Variants in CMSS1 observed in about 807,000 individuals in gnomAD.
CMSS1 encodes cms1 ribosomal small subunit homolog.
In CMSS1, 33 loss-of-function variants were observed where a neutral mutation model predicts 43.5. The observed-to-expected ratio is 0.76, with a 90% CI of 0.57 to 1.01. CMSS1 has a LOEUF of 1.01. CMSS1 is among the 50% of genes least tolerant of loss of function. The pLI, the probability that CMSS1 is intolerant of heterozygous loss-of-function variation, is 0.00. For missense variants in CMSS1, 313 were observed against 326.4 expected, an observed-to-expected ratio of 0.96 and a Z score of 0.32; for synonymous variants, 115 against 117.2, an observed-to-expected ratio of 0.98 and a Z score of 0.12.
chr3:99,983,510 GTA>G (rs1312874010), intron 1 of CMSS1, among the ~76,000 whole-genome samples: 6 of 82,424 alleles, frequency 7.3e-5, no homozygotes, highest in African/African-American at 2.9e-4. Flanking sequence ...ATATATATAT[GTA>G]TATATATACA....
chr3:99,944,499 C>G (rs1028994420), intron 1 of CMSS1, among the ~76,000 whole-genome samples: 2 of 152,196 alleles, frequency 1.3e-5, no homozygotes, highest in Non-Finnish European at 2.9e-5. Flanking sequence ...TCTGCAGGCA[C>G]AATGCTAAGG....
At position 100,120,756 on chromosome 3, in the gene CMSS1, G is replaced by A. The variant is rs1320844412; in HGVS notation, c.65-26217G>A. Among the ~76,000 whole-genome samples the A allele has an allele frequency of 3.3e-5, 5 of 151,274 alleles. No individual in the cohort carries two copies. The East Asian group carries it at 9.8e-4, about 30-fold the overall frequency. On this transcript the variant is annotated intron_variant, in intron 1 of 9. Coordinates refer to ENST00000421999, the MANE Select transcript of CMSS1 (RefSeq NM_032359.4). The stretch of plus-strand genomic sequence containing the variant: ...TAAGTCTTCCTGAGGTGGAGGTCAG[G>A]GAGGCTTCACGGGGTGGGGGTGGGG...
chr3:99,928,392 A>C (rs887526088), intron 1 of CMSS1, among the ~76,000 whole-genome samples: 1 of 152,204 alleles, frequency 6.6e-6, no homozygotes, highest in African/African-American at 2.4e-5. Flanking sequence ...AAAGAGAGGA[A>C]AATTGGCAGA....
Position 100,178,389 on chromosome 3 carries a change from G to C in CMSS1, c.*1G>C. 2.5e-6 allele frequency: 4 copies of C among 1,598,940 alleles called. No homozygotes were observed. The highest frequency in any genetic ancestry group is 3.4e-6 in the Non-Finnish European group (4 of 1,167,154). On this transcript the variant is annotated 3_prime_UTR_variant, in exon 10 of 10. Coordinates refer to ENST00000421999, the MANE Select transcript of CMSS1 (RefSeq NM_032359.4). ...ATCCTTGAAACTGGGCCTTTTCTAA[G>C]TCTGTGTCCTAATGAAGATTCCAGT...
At chr3:99,849,695 G>A (rs771815841) in intron 1 of CMSS1, 3 of 1,613,426 alleles carry the variant, frequency 1.9e-6, no homozygotes, top group South Asian at 1.1e-5. Flanking sequence ...GCATACCTTC[G>A]TTCTAGAGTC....
intron 1 of CMSS1, among the ~76,000 whole-genome samples, chr3:100,077,295 T>C (rs1005620002): frequency 1.3e-5 from 2 of 152,254 alleles, no homozygotes; most frequent in African/African-American, 4.8e-5. Flanking sequence ...CATGGTGTTC[T>C]TAAGAAGTAG....
At chr3:99,823,773 A>G (rs1315853915) in intron 1 of CMSS1, among the ~76,000 whole-genome samples, 1 of 151,726 alleles carries the variant, frequency 6.6e-6, no homozygotes. Flanking sequence ...GTCTTCTACT[A>G]TTTACTCCCC....
At chr3:99,903,642 C>A (rs1019896419) in intron 1 of CMSS1, among the ~76,000 whole-genome samples, 2 of 152,052 alleles carry the variant, frequency 1.3e-5, no homozygotes, top group Admixed American at 6.5e-5. Flanking sequence ...ATGGATGATT[C>A]CAAAAATTGG....
At chr3:99,966,556 T>C (rs969786088) in intron 1 of CMSS1, among the ~76,000 whole-genome samples, 3 of 152,224 alleles carry the variant, frequency 2.0e-5, no homozygotes, top group Non-Finnish European at 4.4e-5. Context: ...CAATTAACTT[T>C]ATAAACATTC....
chr3:99,973,051 AG>A (rs1290379685), intron 1 of CMSS1, among the ~76,000 whole-genome samples: 1 of 152,234 alleles, frequency 6.6e-6, no homozygotes, highest in Non-Finnish European at 1.5e-5. Flanking sequence ...TCACAAAATT[AG>A]GTGCAGAACT....
At chr3:99,831,265 T>G (rs1237695654) in intron 1 of CMSS1, among the ~76,000 whole-genome samples, 1 of 152,250 alleles carries the variant, frequency 6.6e-6, no homozygotes, top group African/African-American at 2.4e-5. Flanking sequence ...TACTTAGATA[T>G]GTTAAAAGTA....
intron 1 of CMSS1, among the ~76,000 whole-genome samples, chr3:100,074,675 A>T (rs1258999043): frequency 8.1e-4 from 28 of 34,780 alleles, no homozygotes; most frequent in Admixed American, 1.9e-3. Flanking sequence ...GCAACATTTG[A>T]TTTTTTTTTT....
At chr3:99,953,785 G>A (rs1245063488) in intron 1 of CMSS1, among the ~76,000 whole-genome samples, 1 of 152,168 alleles carries the variant, frequency 6.6e-6, no homozygotes, top group East Asian at 1.9e-4. Context: ...TGCCCAAACA[G>A]TCCACATAGG....
rs150390583 is a variant in CMSS1 at position 100,137,708 on chromosome 3, G to A, written c.65-9265G>A. 6.6e-3 allele frequency among the ~76,000 whole-genome samples: 1,009 copies of A among 151,932 alleles called. 8 individuals are homozygous for A. Among genetic ancestry groups the A allele is most frequent in the African/African-American group, 0.022 (904 of 41,442 alleles). On this transcript the variant is annotated intron_variant, in intron 1 of 9. Coordinates refer to ENST00000421999, the MANE Select transcript of CMSS1 (RefSeq NM_032359.4). ...CTCCCAAGTAGCTGGGACTATAGGCGCCCGCCACCATGCCCGGCTAATTCT... is the reference window on the plus strand; with the variant it reads ...CTCCCAAGTAGCTGGGACTATAGGCACCCGCCACCATGCCCGGCTAATTCT...
intron 1 of CMSS1, among the ~76,000 whole-genome samples, chr3:100,135,276 A>G (rs1049213769): frequency 6.6e-6 from 1 of 152,236 alleles, no homozygotes; most frequent in Admixed American, 6.5e-5. Context: ...GAAATTGCTC[A>G]TAGCTTCAAA....
chr3:99,848,281 T>C, intron 1 of CMSS1: 1 of 1,613,806 alleles, frequency 6.2e-7, no homozygotes, highest in African/African-American at 1.3e-5. Flanking sequence ...TGGTCAGTTA[T>C]ATATATTACT....
At chr3:100,040,219 C>A (rs2065180585) in intron 1 of CMSS1, 1 of 152,064 alleles carries the variant, frequency 6.6e-6, no homozygotes, top group South Asian at 2.1e-4. Flanking sequence ...TTACCACTTA[C>A]AACATAAGAT....
intron 1 of CMSS1, among the ~76,000 whole-genome samples, chr3:100,050,417 T>G (rs2065350149): frequency 6.6e-6 from 1 of 152,210 alleles, no homozygotes; most frequent in Non-Finnish European, 1.5e-5. Context: ...TTATAAAATG[T>G]TTTAATGCTA....
At chr3:100,090,780 C>T (rs895580049) in intron 1 of CMSS1, among the ~76,000 whole-genome samples, 1 of 152,202 alleles carries the variant, frequency 6.6e-6, no homozygotes, top group Non-Finnish European at 1.5e-5. Flanking sequence ...CCTAGGAGCT[C>T]TCTGCAGGTA....
Sources: gnomAD v4.1 joint callset for allele counts (sites outside exome capture counted in the v4.1 genomes callset) on GRCh38, gnomAD v4.1.1 for gene constraint, MANE v1.5 for transcripts, NCBI Gene and HGNC (gene_info 2026-07-23, HGNC 2026-07-21) for gene names.